MAOA: variants seen among roughly 807,000 people sequenced by gnomAD.
MAOA encodes amine oxidase [flavin-containing] A.
A neutral mutation model predicts 42.0 loss-of-function variants in MAOA; 6 were observed. The observed-to-expected ratio is 0.14, with a 90% CI of 0.08 to 0.28. The LOEUF (loss-of-function observed/expected upper bound fraction) is 0.28. Among genes scored for constraint, MAOA ranks in the 10% least tolerant of loss-of-function variants. The probability of loss-of-function intolerance (pLI) is 1.00; values close to 1 mark genes in which losing one functional copy is unlikely to be tolerated. For missense variants in MAOA, 262 were observed against 422.3 expected, an observed-to-expected ratio of 0.62 and a Z score of 3.33; for synonymous variants, 140 against 154.0, an observed-to-expected ratio of 0.91 and a Z score of 0.67.
At chrX:43,743,938 G>A (rs377000895) in intron 13 of MAOA, 33 bp downstream of exon 13, 96 of 1,166,948 alleles carry the variant, frequency 8.2e-5, no homozygotes, top group Non-Finnish European at 9.7e-5. Context: ...TCTCCCTCCC[G>A]AGTCACGGCA....
At position 43,712,643 on chromosome X, in the gene MAOA, G is replaced by A. The variant is rs1357205787; in HGVS notation, c.412-62G>A. ...CCCATTTTCAGAGGTTTTCATGAGG[G>A]CCTTCCCGAGAAGAGGTGGCAGTTA... On this transcript the variant is annotated intron_variant, in intron 4 of 14. Coordinates refer to ENST00000338702, the MANE Select transcript of MAOA (RefSeq NM_000240.4). The A allele has an allele frequency of 6.9e-6, 5 of 728,779 alleles. No homozygotes were observed. The Admixed American group carries it at 9.2e-5, about 13-fold the overall frequency. 60.1% of individuals were successfully genotyped at this position (728,779 alleles called of 1,213,427 possible). A position where few individuals can be genotyped will look rare whatever the true frequency, so the allele number is the denominator to read the frequency against.
intron 10 of MAOA, among the ~76,000 whole-genome samples, chrX:43,740,233 A>G (rs2033949357): frequency 8.9e-6 from 1 of 111,907 alleles, no homozygotes; most frequent in South Asian, 3.7e-4. Context: ...TTTGTAGGTA[A>G]TTAAAACACA....
At chrX:43,704,910 G>A (rs1274184783) in intron 3 of MAOA, among the ~76,000 whole-genome samples, 1 of 111,802 alleles carries the variant, frequency 8.9e-6, no homozygotes, top group East Asian at 2.8e-4. Flanking sequence ...AACCAAAGAA[G>A]TGCAAGACTT....
chrX:43,674,453 G>A (rs2033371112), intron 1 of MAOA, among the ~76,000 whole-genome samples: 1 of 110,240 alleles, frequency 9.1e-6, no homozygotes, highest in African/African-American at 3.3e-5. Flanking sequence ...TACATTTAAA[G>A]TTAATATTGT....
intron 11 of MAOA, among the ~76,000 whole-genome samples, chrX:43,741,741 TG>T (rs1272123790): frequency 8.9e-6 from 1 of 112,041 alleles, no homozygotes; most frequent in Non-Finnish European, 1.9e-5. Flanking sequence ...ATCAAGAAAA[TG>T]GGAAGAGCAA....
intron 2 of MAOA, among the ~76,000 whole-genome samples, chrX:43,684,082 A>G (rs1237528082): frequency 9.0e-6 from 1 of 111,683 alleles, no homozygotes; most frequent in Non-Finnish European, 1.9e-5. Flanking sequence ...TGGTGGCTGC[A>G]GTAAGCAGGA....
At chrX:43,709,979 C>G (rs2033687852) in intron 3 of MAOA, among the ~76,000 whole-genome samples, 2 of 112,378 alleles carry the variant, frequency 1.8e-5, no homozygotes. Context: ...GCCTCTAGAA[C>G]AAACCTATCT....
intron 12 of MAOA, 33 bp from the exon 13 acceptor site, chrX:43,743,761 G>A: frequency 1.4e-5 from 16 of 1,162,398 alleles, no homozygotes; most frequent in Non-Finnish European, 1.8e-5. Context: ...ACCTTCCCAA[G>A]TAACTCTGTG....
At chrX:43,683,460 CT>C in intron 1 of MAOA, 52 bp from the exon 2 acceptor site, 1 of 901,637 alleles carries the variant, frequency 1.1e-6, no homozygotes, top group Non-Finnish European at 1.6e-6. Flanking sequence ...CTGGTTAAAT[CT>C]TGGATTTTAA....
intron 1 of MAOA, among the ~76,000 whole-genome samples, chrX:43,668,251 T>C (rs1360163259): frequency 8.9e-6 from 1 of 112,622 alleles, no homozygotes; most frequent in African/African-American, 3.2e-5. Flanking sequence ...CAATTTTTCA[T>C]TGAAAGGCAT....
At chrX:43,672,700 A>G (rs2033348556) in intron 1 of MAOA, among the ~76,000 whole-genome samples, 1 of 111,667 alleles carries the variant, frequency 9.0e-6, no homozygotes, top group African/African-American at 3.3e-5. Context: ...TATTGAGATA[A>G]TCATGTGGTT....
chrX:43,685,182 G>C (rs1403137840), intron 2 of MAOA, among the ~76,000 whole-genome samples: 2 of 111,303 alleles, frequency 1.8e-5, no homozygotes, highest in Non-Finnish European at 3.8e-5. Flanking sequence ...ACCCAGCCCT[G>C]CTCTGATATT....
At chrX:43,713,812 G>A (rs779354716) in intron 5 of MAOA, among the ~76,000 whole-genome samples, 2 of 112,176 alleles carry the variant, frequency 1.8e-5, no homozygotes, top group Non-Finnish European at 3.8e-5. Flanking sequence ...AAACTAAGGA[G>A]TTAGTGCATC....
intron 12 of MAOA, 111 bp downstream of exon 12, chrX:43,742,158 G>A (rs2033965209): frequency 9.0e-7 from 1 of 1,113,837 alleles, no homozygotes; most frequent in Admixed American, 2.6e-5. Context: ...CATTTCTTAT[G>A]TCCTAGATAA....
intron 2 of MAOA, among the ~76,000 whole-genome samples, chrX:43,687,976 C>T (rs1293751746): frequency 8.9e-6 from 1 of 112,530 alleles, no homozygotes. Flanking sequence ...TGCTTTTACT[C>T]CTGCCGCCTA....
At chrX:43,664,511 G>A (rs2033260538) in intron 1 of MAOA, among the ~76,000 whole-genome samples, 1 of 111,294 alleles carries the variant, frequency 9.0e-6, no homozygotes, top group Non-Finnish European at 1.9e-5. Context: ...CCACCTGGAG[G>A]AAGTGACAAG....
intron 5 of MAOA, among the ~76,000 whole-genome samples, chrX:43,714,446 T>A (rs1174186747): frequency 9.1e-6 from 1 of 110,295 alleles, no homozygotes; most frequent in Non-Finnish European, 1.9e-5. Context: ...AGGTTGATGG[T>A]GTGGTGGGAT....
rs747519832 is a variant in MAOA, at chrX:43,718,738, A to T, written c.503+5942A>T. Among the ~76,000 whole-genome samples, 514 of 110,569 alleles carry T rather than the reference A, an allele frequency of 4.6e-3. 4 individuals are homozygous for T. The highest frequency in any genetic ancestry group is 0.017 in the African/African-American group (502 of 30,302). ...TCCAGGAATGAGTCACAGGGGCAGT[A>T]GGGAAACATGAAGAGTAGATGGTGA... On this transcript the variant is annotated intron_variant, in intron 5 of 14. Coordinates refer to ENST00000338702, the MANE Select transcript of MAOA (RefSeq NM_000240.4).
chrX:43,696,086 T>C (rs959864242), intron 3 of MAOA, among the ~76,000 whole-genome samples: 7 of 112,059 alleles, frequency 6.2e-5, no homozygotes, highest in Non-Finnish European at 5.6e-5. Flanking sequence ...CAAGCTTTAA[T>C]AGAGGATGAA....
Sources: gnomAD v4.1 joint callset for allele counts (sites outside exome capture counted in the v4.1 genomes callset) on GRCh38, gnomAD v4.1.1 for gene constraint, MANE v1.5 for transcripts, NCBI Gene and HGNC (gene_info 2026-07-23, HGNC 2026-07-21) for gene names.